CFAP54: variants seen among roughly 807,000 people sequenced by gnomAD.
CFAP54 encodes cilia- and flagella-associated protein 54.
Under a neutral mutation model 370.4 loss-of-function variants are expected in CFAP54, and 290 were observed. The observed-to-expected ratio is 0.78, with a 90% CI of 0.71 to 0.86. The LOEUF (loss-of-function observed/expected upper bound fraction) is 0.86. CFAP54 is among the 40% of genes least tolerant of loss of function. The probability of loss-of-function intolerance (pLI) is 0.00; values close to 1 mark genes in which losing one functional copy is unlikely to be tolerated. For synonymous variants in CFAP54, 1,206 were observed against 1,236.5 expected (o/e 0.98, Z 0.52); for missense variants, 3,399 against 3,528.7 (o/e 0.96, Z 0.93).
At position 96,783,145 on chromosome 12, in the gene CFAP54, CAT is replaced by C. The variant is rs200931706; in HGVS notation, c.8282-1571_8282-1570del. 3.3e-3 allele frequency among the ~76,000 whole-genome samples: 499 copies of C among 152,188 alleles called. 8 individuals carry two copies. The highest frequency in any genetic ancestry group is 6.9e-3 in the East Asian group (36 of 5,190). On this transcript the variant is annotated intron_variant, in intron 60 of 67. Coordinates refer to ENST00000524981, the MANE Select transcript of CFAP54 (RefSeq NM_001306084.2). ...AAAGTTAACAATGTTTTATTTATTA[CAT>C]GTTATGTAATATATATGTTTAAAGA... is the stretch of plus-strand genomic sequence containing the variant.
intron 67 of CFAP54, among the ~76,000 whole-genome samples, chr12:96,874,389 C>T (rs56927227): frequency 6.6e-5 from 10 of 152,186 alleles, no homozygotes; most frequent in Non-Finnish European, 5.9e-5. Flanking sequence ...AGCCTGCATT[C>T]TGCAGAATAG....
intron 66 of CFAP54, among the ~76,000 whole-genome samples, chr12:96,847,112 G>C (rs1466405868): frequency 1.3e-5 from 2 of 152,128 alleles, no homozygotes; most frequent in African/African-American, 4.8e-5. Flanking sequence ...TAGAACAGCT[G>C]ACAGAACACA....
chr12:96,763,300 TG>T (rs1299926913), intron 58 of CFAP54, among the ~76,000 whole-genome samples: 1 of 152,088 alleles, frequency 6.6e-6, no homozygotes, highest in Admixed American at 6.6e-5. Context: ...CCTCAATCAT[TG>T]TTTGTTTGTT....
At position 96,589,502 on chromosome 12, in the gene CFAP54, C is replaced by T; in HGVS notation, c.3151C>T (p.Pro1051Ser). ...SPVWDYFVAS[P>S]LQDEQSVICL... Reference sequence around the variant, plus strand: ...AGTTTGGGATTATTTTGTTGCTTCGCCACTTCAGGATGAACAATCTGTTAT... The same window carrying T: ...AGTTTGGGATTATTTTGTTGCTTCGTCACTTCAGGATGAACAATCTGTTAT... The change falls in exon 23 of 68, where the codon CCA becomes TCA. Residue 1051 changes from proline (P) to serine (S), a missense_variant. This residue lies in a region of CFAP54 where 2,796 missense variants were observed against 2,869.7 expected (regional missense o/e 0.97). Coordinates refer to ENST00000524981, the MANE Select transcript of CFAP54 (RefSeq NM_001306084.2). The T allele has an allele frequency of 1.3e-6, 2 of 1,507,202 alleles. No homozygotes were observed. Among genetic ancestry groups the T allele is most frequent in the Non-Finnish European group, 1.8e-6 (2 of 1,120,974 alleles). 93.4% of individuals were successfully genotyped at this position (1,507,202 alleles called of 1,614,324 possible).
intron 19 of CFAP54, among the ~76,000 whole-genome samples, chr12:96,567,915 T>A (rs768991078): frequency 1.3e-5 from 2 of 152,116 alleles, no homozygotes; most frequent in South Asian, 4.1e-4. Flanking sequence ...GGCTTAATGA[T>A]CAATCCCTAG....
intron 1 of CFAP54, among the ~76,000 whole-genome samples, chr12:96,495,237 TCTCCTTCCTTCC>T (rs1954936539): frequency 6.9e-6 from 1 of 144,000 alleles, no homozygotes. Context: ...TCTTTTCTTT[TCTCCTTCCTTCC>T]TTCCTTCCTT....
At chr12:96,538,112 A>T (rs755131608) in intron 12 of CFAP54, among the ~76,000 whole-genome samples, 19 of 150,712 alleles carry the variant, frequency 1.3e-4, no homozygotes, top group Non-Finnish European at 2.2e-4. Context: ...AGGAGTGAGG[A>T]CTCTGGAGCT....
At chr12:96,596,396 G>C (rs965141509) in intron 25 of CFAP54, among the ~76,000 whole-genome samples, 1 of 152,046 alleles carries the variant, frequency 6.6e-6, no homozygotes, top group African/African-American at 2.4e-5. Context: ...GTAGAACAGA[G>C]GGTAGTTTCC....
intron 65 of CFAP54, among the ~76,000 whole-genome samples, chr12:96,825,221 A>ATC (rs1241520053): frequency 7.2e-6 from 1 of 138,240 alleles, no homozygotes; most frequent in East Asian, 2.0e-4. Context: ...ATATATATAT[A>ATC]TTCTCTCCCA....
intron 65 of CFAP54, among the ~76,000 whole-genome samples, chr12:96,825,569 A>T (rs1482537123): frequency 1.7e-5 from 2 of 115,960 alleles, no homozygotes; most frequent in Non-Finnish European, 3.2e-5. Flanking sequence ...TACTATATTT[A>T]CCTATAATAA....
intron 51 of CFAP54, among the ~76,000 whole-genome samples, chr12:96,741,777 G>A (rs1240021412): frequency 6.6e-6 from 1 of 152,078 alleles, no homozygotes; most frequent in Non-Finnish European, 1.5e-5. Flanking sequence ...TAATATTGAG[G>A]GTGGCAAATT....
At chr12:96,710,153 G>A (rs1172596852) in intron 48 of CFAP54, among the ~76,000 whole-genome samples, 3 of 152,184 alleles carry the variant, frequency 2.0e-5, no homozygotes, top group Non-Finnish European at 4.4e-5. Flanking sequence ...TAATTCTGGG[G>A]CCTCTATTTT....
intron 13 of CFAP54, 44 bp downstream of exon 13, chr12:96,538,562 C>A (rs1565889296): frequency 2.0e-6 from 3 of 1,523,454 alleles, no homozygotes; most frequent in Non-Finnish European, 1.8e-6. Context: ...TTTGCTATTG[C>A]TTATTCAAGT....
At chr12:96,778,328 A>G (rs1592756330) in intron 60 of CFAP54, among the ~76,000 whole-genome samples, 1 of 152,202 alleles carries the variant, frequency 6.6e-6, no homozygotes, top group East Asian at 1.9e-4. Context: ...GCATTTATCT[A>G]GCTTTGAGTT....
At chr12:96,683,242 A>G (rs150438570) in intron 40 of CFAP54, among the ~76,000 whole-genome samples, 244 of 152,364 alleles carry the variant, frequency 1.6e-3, no homozygotes, top group African/African-American at 5.6e-3. Context: ...GAAGCTGTAA[A>G]GAAATAATCA....
chr12:96,606,467 T>C (rs1308681290), intron 26 of CFAP54, among the ~76,000 whole-genome samples: 2 of 152,208 alleles, frequency 1.3e-5, no homozygotes, highest in African/African-American at 2.4e-5. Flanking sequence ...TACAAAAATA[T>C]GGGAAAACAA....
intron 56 of CFAP54, among the ~76,000 whole-genome samples, chr12:96,755,666 CTTTTT>C (rs71758359): frequency 2.3e-5 from 2 of 88,042 alleles, no homozygotes; most frequent in Non-Finnish European, 2.3e-5. Flanking sequence ...TTCTTTTTTC[CTTTTT>C]TTTTTTTTTT....
At chr12:96,513,605 G>T (rs1955197704) in intron 5 of CFAP54, among the ~76,000 whole-genome samples, 1 of 152,186 alleles carries the variant, frequency 6.6e-6, no homozygotes, top group South Asian at 2.1e-4. Context: ...GCCGGACCTG[G>T]TGGCACATGC....
At chr12:96,639,588 C>T (rs547713956) in intron 32 of CFAP54, among the ~76,000 whole-genome samples, 2 of 152,310 alleles carry the variant, frequency 1.3e-5, no homozygotes, top group South Asian at 4.2e-4. Flanking sequence ...ATGAGGCCAG[C>T]ATCATCCTGA....
Sources: gnomAD v4.1 joint callset for allele counts (sites outside exome capture counted in the v4.1 genomes callset) on GRCh38, gnomAD v4.1.1 for gene constraint, gnomAD v4.1.1 regional missense constraint, MANE v1.5 for transcripts, NCBI Gene and HGNC (gene_info 2026-07-23, HGNC 2026-07-21) for gene names.